Variants in PCDHGA4 observed in about 807,000 individuals in gnomAD.
The protein encoded by PCDHGA4 is protocadherin gamma subfamily A, 4.
Under a neutral mutation model 54.6 loss-of-function variants are expected in PCDHGA4, and 38 were observed. The observed-to-expected ratio is 0.70, with a 90% CI of 0.54 to 0.91. The LOEUF is 0.91. PCDHGA4 is among the 40% of genes least tolerant of loss of function. The pLI is 0.00. For synonymous variants in PCDHGA4, 511 were observed against 512.9 expected, an observed-to-expected ratio of 1.00 and a Z score of 0.05; for missense variants, 1,298 against 1,220.9, an observed-to-expected ratio of 1.06 and a Z score of -0.94.
chr5:141,443,555 C>T (rs1284929219), intron 1 of PCDHGA4, among the ~76,000 whole-genome samples: 1 of 152,130 alleles, frequency 6.6e-6, no homozygotes, highest in East Asian at 1.9e-4. Flanking sequence ...TGTTCCAATT[C>T]AAATGCTTTA....
intron 1 of PCDHGA4, chr5:141,365,416 C>T (rs780113082): frequency 5.0e-6 from 8 of 1,613,930 alleles, no homozygotes; most frequent in Non-Finnish European, 6.8e-6. Context: ...ACTGTCTTCC[C>T]GGAACTGTAA....
At chr5:141,459,710 C>T (rs2098973565) in intron 1 of PCDHGA4, among the ~76,000 whole-genome samples, 1 of 152,204 alleles carries the variant, frequency 6.6e-6, no homozygotes, top group Non-Finnish European at 1.5e-5. Flanking sequence ...CATTTTCTCA[C>T]CAATGCTTCC....
chr5:141,398,040 C>T (rs569692941), intron 1 of PCDHGA4: 5 of 1,485,976 alleles, frequency 3.4e-6, no homozygotes, highest in East Asian at 4.8e-5. Context: ...AACTAAAGCC[C>T]GTTCGGAGAT....
At chr5:141,386,122 A>G (rs980639132) in intron 1 of PCDHGA4, 1 of 152,152 alleles carries the variant, frequency 6.6e-6, no homozygotes, top group Non-Finnish European at 1.5e-5. Flanking sequence ...AAAGTGGGAG[A>G]TTGGGGATAC....
At chr5:141,452,895 A>G (rs527695680) in intron 1 of PCDHGA4, among the ~76,000 whole-genome samples, 16 of 152,312 alleles carry the variant, frequency 1.1e-4, no homozygotes, top group African/African-American at 3.6e-4. Flanking sequence ...TTCCACTTTT[A>G]TTAGTTGGCA....
intron 1 of PCDHGA4, chr5:141,403,605 G>A (rs2094432434): frequency 6.2e-7 from 1 of 1,613,690 alleles, no homozygotes; most frequent in Admixed American, 1.7e-5. Context: ...TCGGATGGCG[G>A]CGAGCCGCGT....
At chr5:141,369,931 G>A (rs189671348) in intron 1 of PCDHGA4, among the ~76,000 whole-genome samples, 35 of 152,224 alleles carry the variant, frequency 2.3e-4, no homozygotes, top group African/African-American at 7.9e-4. Flanking sequence ...AAACGTGACG[G>A]GATTGAGCAA....
At chr5:141,464,556 G>A (rs1158827360) in intron 1 of PCDHGA4, among the ~76,000 whole-genome samples, 4 of 151,990 alleles carry the variant, frequency 2.6e-5, no homozygotes, top group Admixed American at 6.6e-5. Flanking sequence ...TCCCCATCTT[G>A]CATTCCTACA....
chr5:141,394,972 A>G (rs766374618), intron 1 of PCDHGA4: 1 of 1,613,902 alleles, frequency 6.2e-7, no homozygotes, highest in Non-Finnish European at 8.5e-7. Context: ...AGGCGCTGGC[A>G]CAAGTCACGC....
chr5:141,357,361 A>G lies in PCDHGA4; in HGVS notation c.2254A>G (p.Lys752Glu). Residue 752 changes from lysine (K) to glutamate (E), a missense_variant, in exon 1 of 4, where the codon AAG (lysine) becomes GAG (glutamate). Lys to Glu is a moderately conservative substitution (Grantham distance 56). Transcript: ENST00000571252. Reference protein sequence around the residue: ...LLALKLRRWHKSRLLHAEGSR... With the variant: ...LLALKLRRWHESRLLHAEGSR... ...AGCACTCAAGCTGAGACGCTGGCAC[A>G]AGTCACGCCTGCTTCACGCTGAAGG... 1 of 1,614,126 alleles carries G rather than the reference A, an allele frequency of 6.2e-7. No individual in the cohort carries two copies. Among genetic ancestry groups the G allele is most frequent in the Non-Finnish European group, 8.5e-7 (1 of 1,179,976 alleles).
At position 141,459,173 on chromosome 5, in the gene PCDHGA4, AG is replaced by A. The variant is rs370401072; in HGVS notation, c.2515-35633del. Among the ~76,000 whole-genome samples the A allele has an allele frequency of 3.1e-3, 479 of 152,326 alleles. 10 individuals carry two copies. In the South Asian group the frequency reaches 0.063, roughly 20 times the overall value. ...ATAGAACATTTCTATAACCTTCAAA[AG>A]TTCCCTCATGCCCCTTTGCAATCAA... On this transcript the variant is annotated intron_variant, in intron 1 of 3. Coordinates refer to ENST00000571252, the MANE Select transcript of PCDHGA4 (RefSeq NM_018917.4).
At chr5:141,395,179 A>G in intron 1 of PCDHGA4, 1 of 1,614,164 alleles carries the variant, frequency 6.2e-7, no homozygotes, top group Non-Finnish European at 8.5e-7. Flanking sequence ...GAGAAAAATG[A>G]TTCTTTGTTA....
At position 141,390,017 on chromosome 5, in the gene PCDHGA4, G is replaced by C. The variant is rs2092015490; in HGVS notation, c.2514+32396G>C. Reference sequence around the variant, plus strand: ...TGGCCATGATTCTGGCCATTGCCTTGCGCCTGCGACGCTCCTCCAGCCCCG... The same window carrying C: ...TGGCCATGATTCTGGCCATTGCCTTCCGCCTGCGACGCTCCTCCAGCCCCG... On this transcript the variant is annotated intron_variant, in intron 1 of 3. Transcript: ENST00000571252. 1.9e-6 allele frequency: 3 copies of C among 1,613,898 alleles called. No homozygotes were observed. The South Asian group carries it at 3.3e-5, about 18-fold the overall frequency.
At chr5:141,388,270 A>G (rs1387371856) in intron 1 of PCDHGA4, 1 of 1,596,568 alleles carries the variant, frequency 6.3e-7, no homozygotes, top group Non-Finnish European at 8.5e-7. Flanking sequence ...ATTAATGACC[A>G]CACGCCAAAA....
At chr5:141,380,735 C>T (rs973708229) in intron 1 of PCDHGA4, among the ~76,000 whole-genome samples, 1 of 152,066 alleles carries the variant, frequency 6.6e-6, no homozygotes, top group African/African-American at 2.4e-5. Flanking sequence ...TTCCTTTTCT[C>T]CAAAGAAGGT....
chr5:141,420,422 A>C, intron 1 of PCDHGA4: 1 of 1,196,438 alleles, frequency 8.4e-7, no homozygotes, highest in Non-Finnish European at 1.1e-6. Context: ...TATTAAAACA[A>C]AAGTTTAAAT....
chr5:141,505,832 T>G (rs1006398435), intron 3 of PCDHGA4, among the ~76,000 whole-genome samples: 1 of 152,188 alleles, frequency 6.6e-6, no homozygotes, highest in African/African-American at 2.4e-5. Flanking sequence ...AAACCTCAGT[T>G]TCCTCAGCCT....
intron 1 of PCDHGA4, chr5:141,421,696 A>G: frequency 6.2e-7 from 1 of 1,613,886 alleles, no homozygotes; most frequent in Non-Finnish European, 8.5e-7. Context: ...TGCTCTTCCT[A>G]ATGCTAGGGA....
intron 1 of PCDHGA4, chr5:141,423,496 G>A (rs1049120602): frequency 1.2e-6 from 2 of 1,613,804 alleles, no homozygotes; most frequent in African/African-American, 1.3e-5. Flanking sequence ...CTATTCCCAC[G>A]AGGTCTCTCT....
Sources: gnomAD v4.1 joint callset for allele counts (sites outside exome capture counted in the v4.1 genomes callset) on GRCh38, gnomAD v4.1.1 for gene constraint, MANE v1.5 for transcripts, NCBI Gene and HGNC (gene_info 2026-07-23, HGNC 2026-07-21) for gene names.